Variants in TMPO observed in about 807,000 individuals in gnomAD.
TMPO encodes the protein thymopoietin.
TMPO carries 22 observed loss-of-function variants against 45.4 expected under a neutral mutation model. The observed-to-expected ratio is 0.48, with a 90% CI of 0.35 to 0.69. The LOEUF (loss-of-function observed/expected upper bound fraction) is 0.69. Among genes scored for constraint, TMPO ranks in the 30% least tolerant of loss-of-function variants. The pLI is 0.01. For missense variants in TMPO, 512 were observed against 548.8 expected (o/e 0.93, Z 0.67); for synonymous variants, 241 against 204.1 (o/e 1.18, Z -1.54).
chr12:98,539,753 C>A (rs114712412), intron 4 of TMPO, among the ~76,000 whole-genome samples: 1,768 of 152,282 alleles, frequency 0.012, 31 homozygotes, highest in African/African-American at 0.041. Context: ...GGATTACAGG[C>A]ATGAGCTACC....
chr12:98,543,051 C>G (rs914504429), intron 4 of TMPO, among the ~76,000 whole-genome samples: 4 of 151,846 alleles, frequency 2.6e-5, no homozygotes, highest in Admixed American at 6.6e-5. Context: ...AATACAAAAC[C>G]ATGATTTATG....
intron 4 of TMPO, chr12:98,537,818 C>A: frequency 1.7e-6 from 1 of 577,868 alleles, no homozygotes; most frequent in South Asian, 2.4e-5. Flanking sequence ...TAGTTCAAAG[C>A]CAGTTATATG....
At chr12:98,517,867 G>C (rs1875992577) in intron 1 of TMPO, among the ~76,000 whole-genome samples, 1 of 152,244 alleles carries the variant, frequency 6.6e-6, no homozygotes, top group Non-Finnish European at 1.5e-5. Flanking sequence ...AACTCTTTAA[G>C]TAGAGTTGGT....
chr12:98,533,465 T>A, intron 3 of TMPO: 7 of 1,614,176 alleles, frequency 4.3e-6, no homozygotes, highest in Non-Finnish European at 5.9e-6. Context: ...ATGCCCCCAC[T>A]GGATGTAGAA....
intron 4 of TMPO, among the ~76,000 whole-genome samples, chr12:98,538,357 G>A (rs1319608634): frequency 6.6e-6 from 1 of 152,006 alleles, no homozygotes; most frequent in Admixed American, 6.6e-5. Context: ...TTGTCACTTT[G>A]TGTGTTTGTT....
At chr12:98,516,548 A>G (rs547002514) in intron 1 of TMPO, 2 of 1,017,932 alleles carry the variant, frequency 2.0e-6, no homozygotes, top group Non-Finnish European at 2.3e-6. Context: ...CGCTTTATTA[A>G]CTGAAATGAC....
At chr12:98,516,259 G>C in intron 1 of TMPO, 113 bp downstream of exon 1, 1 of 1,272,054 alleles carries the variant, frequency 7.9e-7, no homozygotes, top group Non-Finnish European at 9.9e-7. Context: ...CCCAGGTGCG[G>C]GGCTGTCCCT....
chr12:98,534,720 A>T, intron 3 of TMPO: 1 of 1,035,446 alleles, frequency 9.7e-7, no homozygotes, highest in Non-Finnish European at 1.2e-6. Flanking sequence ...GGACAGAATT[A>T]AACATTTGTT....
At chr12:98,528,113 T>C in intron 2 of TMPO, 101 bp downstream of exon 2, 1 of 1,361,000 alleles carries the variant, frequency 7.3e-7, no homozygotes, top group Non-Finnish European at 1.0e-6. Flanking sequence ...AGGACTGGTT[T>C]GTCATTAATC....
chr12:98,543,587 A>G (rs982871947), intron 4 of TMPO, among the ~76,000 whole-genome samples: 3 of 152,224 alleles, frequency 2.0e-5, no homozygotes, highest in Non-Finnish European at 4.4e-5. Flanking sequence ...CTGTAGTGAC[A>G]TGGATAGCAT....
At chr12:98,540,042 G>T (rs1375359966) in intron 4 of TMPO, among the ~76,000 whole-genome samples, 1 of 152,144 alleles carries the variant, frequency 6.6e-6, no homozygotes, top group Admixed American at 6.5e-5. Flanking sequence ...CACATATCCG[G>T]TTTGATTTTT....
At chr12:98,532,436 T>G (rs1485764227) in intron 3 of TMPO, among the ~76,000 whole-genome samples, 3 of 152,186 alleles carry the variant, frequency 2.0e-5, no homozygotes, top group Non-Finnish European at 4.4e-5. Context: ...TTTAAATTGT[T>G]CGCAGTTTTT....
chr12:98,546,527 G>A, intron 8 of TMPO, 80 bp downstream of exon 8: 1 of 1,131,220 alleles, frequency 8.8e-7, no homozygotes, highest in Non-Finnish European at 1.3e-6. Flanking sequence ...CAAAGTTACT[G>A]TACTTCTGCT....
chr12:98,537,662 A>C, intron 4 of TMPO, 90 bp downstream of exon 4: 2 of 948,856 alleles, frequency 2.1e-6, no homozygotes, highest in Non-Finnish European at 3.3e-6. Context: ...GTTGACACCC[A>C]GATTCCAGCA....
intron 1 of TMPO, among the ~76,000 whole-genome samples, chr12:98,523,430 C>T (rs1297595674): frequency 2.6e-5 from 4 of 151,668 alleles, no homozygotes; most frequent in South Asian, 2.1e-4. Context: ...TGGTGTTGCG[C>T]GCTTGTAATT....
At chr12:98,539,600 A>C (rs1397063368) in intron 4 of TMPO, among the ~76,000 whole-genome samples, 1 of 149,928 alleles carries the variant, frequency 6.7e-6, no homozygotes, top group Non-Finnish European at 1.5e-5. Context: ...CAGCCTCCTG[A>C]GTAGCTGGGA....
In TMPO at chr12:98,544,286, C is replaced by A. The variant is rs768595651; in HGVS notation, c.720C>A (p.Gly240=). Residue 240 remains glycine, a synonymous_variant, in exon 5 of 9, where the codon GGC becomes GGA. Transcript: ENST00000556029. ...AATGGACAAGTGGATCTTCAAAAGG[C>A]GGACCTCTGCAGGCATTAACTAGGG... ...ETEWTSGSSK[G]GPLQALTRES... The A allele has an allele frequency of 6.2e-7, 1 of 1,613,806 alleles. No individual in the cohort carries two copies. Among genetic ancestry groups the A allele is most frequent in the South Asian group, 1.1e-5 (1 of 91,072 alleles).
At position 98,521,099 on chromosome 12, in the gene TMPO, A is replaced by ATTTTTTTTTT. The variant is rs1565804759; in HGVS notation, c.279+4953_279+4954insTTTTTTTTTT. On this transcript the variant is annotated intron_variant, in intron 1 of 8. Transcript: ENST00000556029. ...TCTATTTAATCATGGGTTTATGAGGAATTTTTTTTTTTTTTTTTTTTTTTT... is the reference window on the plus strand; with the variant it reads ...TCTATTTAATCATGGGTTTATGAGGATTTTTTTTTTATTTTTTTTTTTTTTTTTTTTTTTT... Among the ~76,000 whole-genome samples, 466 of 92,926 alleles carry ATTTTTTTTTT rather than the reference A, an allele frequency of 5.0e-3. 29 individuals are homozygous for ATTTTTTTTTT. Among genetic ancestry groups the ATTTTTTTTTT allele is most frequent in the African/African-American group, 0.016 (402 of 24,714 alleles). The allele number at this position is 92,926 out of a possible 152,430, so 61.0% of individuals were successfully genotyped here. A position where few individuals can be genotyped will look rare whatever the true frequency, so the allele number is the denominator to read the frequency against.
intron 1 of TMPO, among the ~76,000 whole-genome samples, chr12:98,524,093 G>GT (rs1876582614): frequency 6.6e-6 from 1 of 152,148 alleles, no homozygotes; most frequent in African/African-American, 2.4e-5. Flanking sequence ...GGCTATTCCT[G>GT]TATCAGTCTT....
Sources: gnomAD v4.1 joint callset for allele counts (sites outside exome capture counted in the v4.1 genomes callset) on GRCh38, gnomAD v4.1.1 for gene constraint, MANE v1.5 for transcripts, NCBI Gene and HGNC (gene_info 2026-07-23, HGNC 2026-07-21) for gene names.